TTC28: variants seen among roughly 807,000 people sequenced by gnomAD.
TTC28 encodes tetratricopeptide repeat domain 28.
TTC28 carries 61 observed loss-of-function variants against 198.0 expected under a neutral mutation model. The ratio of observed to expected loss-of-function variants is 0.31; its 90% CI spans 0.25 to 0.38. The LOEUF (loss-of-function observed/expected upper bound fraction) is 0.38, where lower values mean the gene tolerates loss of function less well. Ranked by LOEUF, TTC28 falls within the 10% of genes least tolerant of loss-of-function variation. The pLI is 1.00. For missense variants in TTC28, 2,678 were observed against 3,164.0 expected, an observed-to-expected ratio of 0.85 and a Z score of 3.69; for synonymous variants, 1,171 against 1,297.8, an observed-to-expected ratio of 0.90 and a Z score of 2.10.
intron 5 of TTC28, among the ~76,000 whole-genome samples, chr22:28,213,743 T>A (rs2147184906): frequency 6.6e-6 from 1 of 151,534 alleles, no homozygotes; most frequent in Non-Finnish European, 1.5e-5. Flanking sequence ...TCCATTAAGC[T>A]ACCAATGACT....
chr22:28,563,504 A>G (rs1288800044), intron 2 of TTC28, among the ~76,000 whole-genome samples: 5 of 152,210 alleles, frequency 3.3e-5, no homozygotes, highest in Non-Finnish European at 7.3e-5. Flanking sequence ...AAAACCAAAG[A>G]TTAATCCAAA....
chr22:28,118,441 ACACT>A (rs1396296413), intron 6 of TTC28, among the ~76,000 whole-genome samples: 10 of 152,282 alleles, frequency 6.6e-5, no homozygotes, highest in Admixed American at 1.3e-4. Context: ...TCAAGGACAG[ACACT>A]CAGTCAATGA....
chr22:28,480,027 A>C (rs1035817090), intron 2 of TTC28, among the ~76,000 whole-genome samples: 1 of 152,188 alleles, frequency 6.6e-6, no homozygotes, highest in African/African-American at 2.4e-5. Flanking sequence ...GAGGGAGAGA[A>C]AAAGGCAAGC....
chr22:28,473,228 G>C (rs1568966330), intron 2 of TTC28, among the ~76,000 whole-genome samples: 1 of 152,160 alleles, frequency 6.6e-6, no homozygotes, highest in African/African-American at 2.4e-5. Flanking sequence ...ATTATAGGCT[G>C]AATTAATATG....
intron 13 of TTC28, among the ~76,000 whole-genome samples, chr22:28,028,568 G>A (rs999625873): frequency 6.6e-6 from 1 of 152,170 alleles, no homozygotes; most frequent in African/African-American, 2.4e-5. Context: ...CACCATGGAT[G>A]CCTGACTGTC....
At chr22:28,184,836 T>A (rs948546922) in intron 5 of TTC28, among the ~76,000 whole-genome samples, 2 of 152,106 alleles carry the variant, frequency 1.3e-5, no homozygotes, top group African/African-American at 4.8e-5. Flanking sequence ...ATGATTCATG[T>A]ATATTCTATT....
intron 12 of TTC28, among the ~76,000 whole-genome samples, chr22:28,077,083 G>A (rs145870211): frequency 6.6e-6 from 1 of 152,136 alleles, no homozygotes; most frequent in African/African-American, 2.4e-5. Context: ...ACTATCTTAG[G>A]CTTCACTGTG....
chr22:28,358,734 T>C (rs2046114922), intron 2 of TTC28, among the ~76,000 whole-genome samples: 1 of 152,156 alleles, frequency 6.6e-6, no homozygotes. Flanking sequence ...TTTGAAGCAA[T>C]TGTCTGCATT....
intron 12 of TTC28, among the ~76,000 whole-genome samples, chr22:28,063,711 T>G (rs897375123): frequency 3.3e-5 from 5 of 152,136 alleles, no homozygotes; most frequent in Admixed American, 6.6e-5. Context: ...ACAGCTCAGG[T>G]TGACTCCAAC....
At chr22:28,259,503 C>T (rs1024106485) in intron 5 of TTC28, among the ~76,000 whole-genome samples, 3 of 151,358 alleles carry the variant, frequency 2.0e-5, no homozygotes, top group South Asian at 4.2e-4. Context: ...CAGAAATGCT[C>T]GGGTATGTTA....
intron 5 of TTC28, among the ~76,000 whole-genome samples, chr22:28,207,428 T>C (rs1300790076): frequency 6.6e-6 from 1 of 151,802 alleles, no homozygotes; most frequent in African/African-American, 2.4e-5. Context: ...CCTTTGGAAT[T>C]AGAAAGATGT....
chr22:27,996,359 G>A, intron 16 of TTC28, 100 bp from the exon 17 acceptor site: 2 of 1,475,142 alleles, frequency 1.4e-6, no homozygotes, highest in Non-Finnish European at 1.8e-6. Context: ...TAACCCAGCA[G>A]AAAGAGCAGG....
intron 5 of TTC28, among the ~76,000 whole-genome samples, chr22:28,212,044 T>C (rs1927017663): frequency 6.6e-6 from 1 of 152,114 alleles, no homozygotes; most frequent in Middle Eastern, 3.4e-3. Flanking sequence ...CATAACGAAA[T>C]GAAGGCAGAA....
At position 28,108,068 on chromosome 22, in the gene TTC28, C is replaced by T. The variant is rs1409098748; in HGVS notation, c.1777G>A (p.Glu593Lys). 5.2e-6 allele frequency: 8 copies of T among 1,551,438 alleles called. No homozygotes were observed. The highest frequency in any genetic ancestry group is 6.1e-6 in the Non-Finnish European group (7 of 1,146,972). The change falls in exon 7 of 23, where the codon GAG becomes AAG. Residue 593 changes from glutamate to lysine, a missense_variant. Transcript: ENST00000397906. ...IARELRDIQSEARALSNLGNF... is the reference protein window; with the variant it reads ...IARELRDIQSKARALSNLGNF... ...CCCAGGTTGCTGAGGGCCCGGGCCTCGCTCTGGATGTCTCGTAGCTCCCGG... is the reference window on the plus strand; with the variant it reads ...CCCAGGTTGCTGAGGGCCCGGGCCTTGCTCTGGATGTCTCGTAGCTCCCGG...
Position 27,999,256 on chromosome 22 carries a change from T to A in TTC28, c.4403A>T (p.His1468Leu). 1.3e-6 allele frequency: 2 copies of A among 1,547,502 alleles called. No individual in the cohort carries two copies. Among genetic ancestry groups the A allele is most frequent in the Non-Finnish European group, 1.7e-6 (2 of 1,145,126 alleles). ...GTATGTGGGCGGGTTCTTCCGTAAG[T>A]GAGACTAGGAGGGGAGGGGACAAAG... ...IRSLSVQSKS[H>L]LRKNPPTYSS... The change falls in exon 16 of 23, where the codon CAC becomes CTC. Residue 1468 changes from histidine to leucine, a missense_variant. His to Leu is a moderately conservative substitution (Grantham distance 99). Transcript: ENST00000397906.
intron 2 of TTC28, among the ~76,000 whole-genome samples, chr22:28,615,587 C>T (rs1450358839): frequency 1.3e-5 from 2 of 152,060 alleles, no homozygotes; most frequent in African/African-American, 4.8e-5. Context: ...AAACGTGGCA[C>T]ATATACACCA....
At chr22:28,672,551 C>T (rs6005833) in intron 1 of TTC28, among the ~76,000 whole-genome samples, 6,577 of 152,220 alleles carry the variant, frequency 0.043, 168 homozygotes, top group African/African-American at 0.059. Flanking sequence ...CCACCCGTCT[C>T]GGCCTCCTAA....
chr22:28,014,198 A>G (rs1237523217), intron 14 of TTC28, 50 bp downstream of exon 14: 1 of 1,512,896 alleles, frequency 6.6e-7, no homozygotes, highest in Admixed American at 2.2e-5. Flanking sequence ...CTGACTGGTA[A>G]GCGATGTGTT....
At chr22:28,277,382 G>A (rs763220292) in intron 5 of TTC28, among the ~76,000 whole-genome samples, 8 of 152,138 alleles carry the variant, frequency 5.3e-5, no homozygotes, top group Non-Finnish European at 1.0e-4. Flanking sequence ...TTTTTAGTGA[G>A]CTAAAACTGA....
Sources: allele counts gnomAD v4.1 joint callset (sites outside exome capture counted in the v4.1 genomes callset), GRCh38; gene constraint gnomAD v4.1.1; transcripts MANE v1.5; gene names NCBI Gene and HGNC (gene_info 2026-07-23, HGNC 2026-07-21).